TNR: variants seen among roughly 807,000 people sequenced by gnomAD.
The protein encoded by TNR is tenascin R.
A neutral mutation model predicts 150.4 loss-of-function variants in TNR; 45 were observed. The observed-to-expected ratio is 0.30, with a 90% CI of 0.24 to 0.38. The LOEUF is 0.38. Ranked by LOEUF, TNR falls within the 10% of genes least tolerant of loss-of-function variation. The pLI, the probability that TNR is intolerant of heterozygous loss-of-function variation, is 1.00. For synonymous variants in TNR, 687 were observed against 678.4 expected (o/e 1.01, Z -0.20); for missense variants, 1,544 against 1,759.1 (o/e 0.88, Z 2.19).
chr1:175,674,731 G>C (rs1421333053), intron 1 of TNR, among the ~76,000 whole-genome samples: 1 of 152,132 alleles, frequency 6.6e-6, no homozygotes, highest in Non-Finnish European at 1.5e-5. Flanking sequence ...GCCTCCCTGG[G>C]TAGTTCCTCC....
At chr1:175,478,130 G>A (rs1252573649) in intron 2 of TNR, among the ~76,000 whole-genome samples, 1 of 152,208 alleles carries the variant, frequency 6.6e-6, no homozygotes, top group Non-Finnish European at 1.5e-5. Flanking sequence ...GGGGTTATGT[G>A]TAATTGCTCT....
intron 2 of TNR, among the ~76,000 whole-genome samples, chr1:175,431,934 T>C (rs1446148593): frequency 6.6e-6 from 1 of 151,924 alleles, no homozygotes; most frequent in Non-Finnish European, 1.5e-5. Flanking sequence ...TCTCTCTCTC[T>C]CCCTCTGTCT....
At chr1:175,496,782 T>C (rs1395609728) in intron 2 of TNR, among the ~76,000 whole-genome samples, 1 of 152,230 alleles carries the variant, frequency 6.6e-6, no homozygotes, top group African/African-American at 2.4e-5. Context: ...TAGACATCTG[T>C]ATAGGGCTTA....
At chr1:175,601,979 C>T in intron 1 of TNR, among the ~76,000 whole-genome samples, 1 of 152,036 alleles carries the variant, frequency 6.6e-6, no homozygotes, top group Non-Finnish European at 1.5e-5. Context: ...CCACTGTTGG[C>T]CTGCCCCAGC....
At chr1:175,633,948 G>A (rs1184427145) in intron 1 of TNR, among the ~76,000 whole-genome samples, 1 of 152,114 alleles carries the variant, frequency 6.6e-6, no homozygotes, top group Non-Finnish European at 1.5e-5. Flanking sequence ...GCAGTTACTA[G>A]ATGAGTAGAC....
chr1:175,496,316 C>T (rs1272215117), intron 2 of TNR, among the ~76,000 whole-genome samples: 1 of 152,132 alleles, frequency 6.6e-6, no homozygotes, highest in Non-Finnish European at 1.5e-5. Flanking sequence ...CTTGTTTTCC[C>T]ACCCTGCCAA....
chr1:175,692,097 G>C (rs79658577), intron 1 of TNR, among the ~76,000 whole-genome samples: 2 of 152,330 alleles, frequency 1.3e-5, no homozygotes, highest in East Asian at 3.9e-4. Context: ...ACCAGAGGTG[G>C]AAGTAACAAT....
At chr1:175,323,567 A>C in intron 22 of TNR, 91 bp from the exon 23 acceptor site, 1 of 1,545,162 alleles carries the variant, frequency 6.5e-7, no homozygotes, top group Non-Finnish European at 8.8e-7. Context: ...CAGGGAATCC[A>C]CAATGTGGGG....
intron 2 of TNR, among the ~76,000 whole-genome samples, chr1:175,493,788 G>A (rs919132913): frequency 6.6e-6 from 1 of 152,162 alleles, no homozygotes; most frequent in Non-Finnish European, 1.5e-5. Flanking sequence ...GAGCACCAGC[G>A]GCTTCCAGAG....
At chr1:175,600,688 C>T (rs749616036) in intron 1 of TNR, among the ~76,000 whole-genome samples, 1 of 152,228 alleles carries the variant, frequency 6.6e-6, no homozygotes, top group African/African-American at 2.4e-5. Flanking sequence ...AAGCTATGCT[C>T]CCTGGCGTAG....
Position 175,366,012 on chromosome 1 carries a change from G to A in TNR, c.2180C>T (p.Ala727Val). 6.2e-7 allele frequency: 1 copy of A among 1,614,170 alleles called. No homozygotes were observed. Reference protein sequence around the residue: ...RITFTPSSGIASEVTVPKDRT... With the variant: ...RITFTPSSGIVSEVTVPKDRT... ...GTCCTTGGGTACGGTGACTTCTGAG[G>A]CAATCCCAGAGGATGGGGTAAAGGT... The change falls in exon 11 of 23, where the codon GCC (alanine) becomes GTC (valine). Residue 727 changes from alanine (A) to valine (V), a missense_variant. Coordinates refer to ENST00000367674, the MANE Select transcript of TNR (RefSeq NM_003285.3).
At chr1:175,494,929 A>G (rs985760582) in intron 2 of TNR, among the ~76,000 whole-genome samples, 1 of 151,984 alleles carries the variant, frequency 6.6e-6, no homozygotes, top group African/African-American at 2.4e-5. Flanking sequence ...GATCCCTCAT[A>G]CTCCAGAGGA....
At chr1:175,675,668 T>G (rs1665841061) in intron 1 of TNR, among the ~76,000 whole-genome samples, 1 of 152,216 alleles carries the variant, frequency 6.6e-6, no homozygotes, top group African/African-American at 2.4e-5. Context: ...GGACCCCTTC[T>G]GTCTACGAGA....
intron 1 of TNR, among the ~76,000 whole-genome samples, chr1:175,544,175 A>G (rs1660601868): frequency 1.3e-5 from 2 of 152,224 alleles, no homozygotes. Context: ...AGGCAAGATC[A>G]GATTTTGGGG....
chr1:175,718,838 CTCCA>C (rs1475110884), intron 1 of TNR, among the ~76,000 whole-genome samples: 2 of 152,172 alleles, frequency 1.3e-5, no homozygotes, highest in African/African-American at 4.8e-5. Context: ...AGTTTTCCGA[CTCCA>C]TCCAGTGCTT....
chr1:175,650,851 ACCC>A (rs1664951704), intron 1 of TNR, among the ~76,000 whole-genome samples: 1 of 54,946 alleles, frequency 1.8e-5, no homozygotes, highest in Non-Finnish European at 3.4e-5. Flanking sequence ...CCTCATTACT[ACCC>A]ATCTCCCACC....
chr1:175,438,368 G>A (rs141491855), intron 2 of TNR, among the ~76,000 whole-genome samples: 1,941 of 152,258 alleles, frequency 0.013, 41 homozygotes, highest in African/African-American at 0.043. Context: ...AGGTATTGAT[G>A]GGACGTATCT....
chr1:175,380,860 T>A (rs1557897375), intron 8 of TNR, among the ~76,000 whole-genome samples: 1 of 152,244 alleles, frequency 6.6e-6, no homozygotes, highest in Non-Finnish European at 1.5e-5. Context: ...TGGAGTGAAC[T>A]AGCCATTCAT....
At chr1:175,373,964 G>A (rs1652245423) in intron 9 of TNR, among the ~76,000 whole-genome samples, 1 of 152,150 alleles carries the variant, frequency 6.6e-6, no homozygotes, top group Non-Finnish European at 1.5e-5. Flanking sequence ...ATGTTTAGAG[G>A]GTGCCTTACC....
Sources: allele counts gnomAD v4.1 joint callset (sites outside exome capture counted in the v4.1 genomes callset), GRCh38; gene constraint gnomAD v4.1.1; transcripts MANE v1.5; gene names NCBI Gene and HGNC (gene_info 2026-07-23, HGNC 2026-07-21).